The following SDK1 variants were observed in gnomAD, a reference collection of about 807,000 sequenced individuals.
The protein encoded by SDK1 is protein sidekick-1.
A neutral mutation model predicts 245.5 loss-of-function variants in SDK1; 157 were observed. The observed-to-expected ratio is 0.64, with a 90% CI of 0.56 to 0.73. SDK1 has a LOEUF of 0.73. Ranked by LOEUF, SDK1 falls within the 30% of genes least tolerant of loss-of-function variation. The pLI is 0.00. For missense variants in SDK1, 3,583 were observed against 3,002.3 expected (o/e 1.19, Z -4.52); for synonymous variants, 1,647 against 1,278.5 (o/e 1.29, Z -6.15).
intron 5 of SDK1, among the ~76,000 whole-genome samples, chr7:3,910,104 C>A (rs925217430): frequency 6.6e-6 from 1 of 152,174 alleles, no homozygotes; most frequent in Non-Finnish European, 1.5e-5. Flanking sequence ...AAGAAAAAGT[C>A]CTGTGTGCGA....
At position 3,379,813 on chromosome 7, in the gene SDK1, T is replaced by C. The variant is rs530058679; in HGVS notation, c.298+77929T>C. On this transcript the variant is annotated intron_variant, in intron 1 of 44. Coordinates refer to ENST00000404826, the MANE Select transcript of SDK1 (RefSeq NM_152744.4). ...GCAATGTTCCAAAATCCAAAACTTC[T>C]TGAGCCACCTACATGATGCTCAAAC... Among the ~76,000 whole-genome samples the C allele has an allele frequency of 2.5e-3, 145 of 58,962 alleles. 1 individual carries two copies. The highest frequency in any genetic ancestry group is 0.02 in the African/African-American group (142 of 7,276). The allele number at this position is 58,962 out of a possible 152,430, so 38.7% of individuals were successfully genotyped here.
intron 14 of SDK1, among the ~76,000 whole-genome samples, chr7:4,003,787 G>A (rs562773036): frequency 6.6e-6 from 1 of 152,354 alleles, no homozygotes; most frequent in East Asian, 1.9e-4. Context: ...AAGGAATGCA[G>A]CCTGCTTATA....
At chr7:4,210,311 G>A in intron 38 of SDK1, 149 bp downstream of exon 38, 3 of 891,006 alleles carry the variant, frequency 3.4e-6, no homozygotes, top group Middle Eastern at 7.4e-4. Context: ...GAGCTGGACG[G>A]GGCTGGAGCT....
chr7:3,325,112 A>C (rs1007236374), intron 1 of SDK1, among the ~76,000 whole-genome samples: 3 of 150,268 alleles, frequency 2.0e-5, no homozygotes, highest in African/African-American at 7.3e-5. Context: ...CTACCAAACC[A>C]CTTTTTTTTT....
At chr7:3,628,547 C>G (rs1782188916) in intron 2 of SDK1, among the ~76,000 whole-genome samples, 1 of 152,106 alleles carries the variant, frequency 6.6e-6, no homozygotes, top group African/African-American at 2.4e-5. Flanking sequence ...CCCACAACAT[C>G]CTTATCCACA....
At position 3,841,740 on chromosome 7, in the gene SDK1, C is replaced by G. The variant is rs528969978; in HGVS notation, c.847+20157C>G. 1.7e-4 allele frequency among the ~76,000 whole-genome samples: 26 copies of G among 151,826 alleles called. No homozygotes were observed. The South Asian group carries it at 4.8e-3, about 28-fold the overall frequency. ...ACCATGCCTGGCTAATTTTTGTATT[C>G]TTAATAGAGATGGGGTTTCACTATG... On this transcript the variant is annotated intron_variant, in intron 5 of 44. Coordinates refer to ENST00000404826, the MANE Select transcript of SDK1 (RefSeq NM_152744.4).
chr7:3,623,326 C>T (rs1383713595), intron 2 of SDK1, among the ~76,000 whole-genome samples: 1 of 148,680 alleles, frequency 6.7e-6, no homozygotes, highest in Non-Finnish European at 1.5e-5. Flanking sequence ...CGGCTCACTG[C>T]AACCTTCGTC....
chr7:4,074,886 G>GTGTATA (rs1401453083), intron 20 of SDK1, among the ~76,000 whole-genome samples: 6 of 48,116 alleles, frequency 1.2e-4, no homozygotes, highest in Admixed American at 2.8e-4. Flanking sequence ...CTCTCTCTCT[G>GTGTATA]TATATATATA....
intron 1 of SDK1, among the ~76,000 whole-genome samples, chr7:3,392,899 A>T (rs986378829): frequency 6.9e-6 from 1 of 144,686 alleles, no homozygotes; most frequent in Non-Finnish European, 1.5e-5. Flanking sequence ...CCTTTTGGCT[A>T]TTGCAAATAT....
At chr7:4,174,787 T>C (rs907867573) in intron 33 of SDK1, among the ~76,000 whole-genome samples, 4 of 152,126 alleles carry the variant, frequency 2.6e-5, no homozygotes, top group Admixed American at 2.0e-4. Context: ...GGGCTGATTT[T>C]GGCTCTGCCT....
intron 1 of SDK1, among the ~76,000 whole-genome samples, chr7:3,401,085 A>G (rs1265842814): frequency 6.6e-6 from 1 of 152,140 alleles, no homozygotes; most frequent in East Asian, 1.9e-4. Context: ...CAGCTCCGTA[A>G]TGTGTCCTGA....
intron 1 of SDK1, among the ~76,000 whole-genome samples, chr7:3,310,543 C>T (rs58949619): frequency 0.024 from 3,648 of 152,200 alleles, 153 homozygotes; most frequent in African/African-American, 0.084. Flanking sequence ...TCAAAGGTGA[C>T]GTCCAGGTTT....
intron 25 of SDK1, among the ~76,000 whole-genome samples, chr7:4,115,296 G>A (rs1457487745): frequency 1.3e-5 from 2 of 152,130 alleles, no homozygotes; most frequent in African/African-American, 4.8e-5. Flanking sequence ...TGTTCATTCT[G>A]GACTAACCTA....
At chr7:3,946,434 C>T (rs921615474) in intron 5 of SDK1, among the ~76,000 whole-genome samples, 2 of 152,130 alleles carry the variant, frequency 1.3e-5, no homozygotes, top group African/African-American at 2.4e-5. Context: ...CCCACCTCAG[C>T]GTCCTGAGTA....
chr7:4,139,019 G>T (rs138644263), intron 28 of SDK1, among the ~76,000 whole-genome samples: 1 of 152,218 alleles, frequency 6.6e-6, no homozygotes, highest in African/African-American at 2.4e-5. Flanking sequence ...TTAGCCAACC[G>T]CTGAGAGGCA....
chr7:3,439,697 C>T (rs894266388), intron 1 of SDK1, among the ~76,000 whole-genome samples: 1 of 152,212 alleles, frequency 6.6e-6, no homozygotes, highest in African/African-American at 2.4e-5. Context: ...GGATAAGATA[C>T]AGCTTGCTTT....
chr7:3,958,646 C>G (rs1336622037), intron 7 of SDK1, among the ~76,000 whole-genome samples: 1 of 152,156 alleles, frequency 6.6e-6, no homozygotes, highest in Admixed American at 6.5e-5. Flanking sequence ...CTTTACGAAC[C>G]TCTTGGGGTA....
rs545975712 is a variant in SDK1 at position 4,219,996 on chromosome 7, C to G, written c.5540-113C>G. ...TATAAACTCCTAATAGTAAGAAATA[C>G]TTCCTTAGCAAACTGCAGGGACCAC... is the stretch of plus-strand genomic sequence containing the variant. On this transcript the variant is annotated intron_variant, in intron 38 of 44. Coordinates refer to ENST00000404826, the MANE Select transcript of SDK1 (RefSeq NM_152744.4). 1.2e-5 allele frequency: 15 copies of G among 1,280,362 alleles called. No individual in the cohort carries two copies. In the African/African-American group the frequency reaches 2.2e-4, roughly 19 times the overall value. The allele number at this position is 1,280,362 out of a possible 1,614,324, so 79.3% of individuals were successfully genotyped here. A position where few individuals can be genotyped will look rare whatever the true frequency, so the allele number is the denominator to read the frequency against.
chr7:4,218,132 G>A (rs773809495), intron 38 of SDK1, among the ~76,000 whole-genome samples: 9 of 152,130 alleles, frequency 5.9e-5, no homozygotes, highest in South Asian at 2.1e-4. Context: ...CCCCAGGCAC[G>A]GTGGCTCATG....
Sources: allele counts gnomAD v4.1 joint callset (sites outside exome capture counted in the v4.1 genomes callset), GRCh38; gene constraint gnomAD v4.1.1; transcripts MANE v1.5; gene names NCBI Gene and HGNC (gene_info 2026-07-23, HGNC 2026-07-21).